Variants in KCNC2 observed in about 807,000 individuals in gnomAD.
KCNC2 encodes voltage-gated potassium channel KCNC2.
Under a neutral mutation model 44.5 loss-of-function variants are expected in KCNC2, and 21 were observed. The ratio of observed to expected loss-of-function variants is 0.47; its 90% CI spans 0.33 to 0.68. The LOEUF is 0.68. Ranked by LOEUF, KCNC2 falls within the 30% of genes least tolerant of loss-of-function variation. The pLI is 0.01. For missense variants in KCNC2, 589 were observed against 826.2 expected (o/e 0.71, Z 3.52); for synonymous variants, 391 against 339.1 (o/e 1.15, Z -1.68).
In KCNC2 at chr12:75,041,565, G is replaced by A. The variant is rs1879908007; in HGVS notation, c.*1540C>T. On this transcript the variant is annotated 3_prime_UTR_variant, in exon 5 of 5. Transcript: ENST00000549446. Reference sequence around the variant, plus strand: ...TTACGGTCTTTTTCTTCCCTCACATGCTCAATACATGAGACACGCTATTGC... The same window carrying A: ...TTACGGTCTTTTTCTTCCCTCACATACTCAATACATGAGACACGCTATTGC... The A allele has an allele frequency of 4.5e-6, 5 of 1,104,376 alleles. No homozygotes were observed. The highest frequency in any genetic ancestry group is 1.6e-5 in the African/African-American group (1 of 61,410). The allele number at this position is 1,104,376 out of a possible 1,614,324, so 68.4% of individuals were successfully genotyped here. A position where few individuals can be genotyped will look rare whatever the true frequency, so the allele number is the denominator to read the frequency against.
At chr12:75,165,721 T>C (rs1891404891) in intron 2 of KCNC2, among the ~76,000 whole-genome samples, 1 of 151,502 alleles carries the variant, frequency 6.6e-6, no homozygotes, top group South Asian at 2.1e-4. Context: ...TGTAGATTAT[T>C]CAGTTAAGCC....
intron 2 of KCNC2, among the ~76,000 whole-genome samples, chr12:75,133,223 C>A (rs1196704290): frequency 6.6e-6 from 1 of 151,680 alleles, no homozygotes; most frequent in Non-Finnish European, 1.5e-5. Context: ...TTTGATAGCA[C>A]AATGGGAAGA....
chr12:75,121,258 G>T (rs1264515473), intron 2 of KCNC2, among the ~76,000 whole-genome samples: 1 of 151,920 alleles, frequency 6.6e-6, no homozygotes, highest in African/African-American at 2.4e-5. Context: ...TTCCCTTTTG[G>T]GTCTCATAAA....
intron 2 of KCNC2, among the ~76,000 whole-genome samples, chr12:75,143,049 G>C (rs1889767557): frequency 6.6e-6 from 1 of 152,148 alleles, no homozygotes; most frequent in African/African-American, 2.4e-5. Flanking sequence ...CCCTGATCAA[G>C]CAGTTCTGCA....
Position 75,041,528 on chromosome 12 carries a change from C to T in KCNC2, c.*1577G>A, listed in dbSNP as rs1207378206. 4 of 1,136,958 alleles carry T rather than the reference C, an allele frequency of 3.5e-6. No homozygotes were observed. Among genetic ancestry groups the T allele is most frequent in the South Asian group, 4.6e-5 (2 of 43,550 alleles). The allele number at this position is 1,136,958 out of a possible 1,614,324, so 70.4% of individuals were successfully genotyped here. On this transcript the variant is annotated 3_prime_UTR_variant, in exon 5 of 5. Coordinates refer to ENST00000549446, the MANE Select transcript of KCNC2 (RefSeq NM_139137.4). The stretch of plus-strand genomic sequence containing the variant: ...AAATGCCTTAGTGATATTATTTATC[C>T]CTCTATTTATATTACGGTCTTTTTC...
intron 2 of KCNC2, among the ~76,000 whole-genome samples, chr12:75,117,967 A>G (rs112007937): frequency 4.6e-5 from 7 of 152,276 alleles, no homozygotes; most frequent in African/African-American, 1.7e-4. Flanking sequence ...CATAGTAATC[A>G]ATATATGTTA....
In KCNC2 at chr12:75,126,939, G is replaced by T. The variant is rs140629978; in HGVS notation, c.688-75622C>A. Reference sequence around the variant, plus strand: ...CAGGCATGACACTGGCATATTAAAAGAAAAACTTACGTATAATAATCGAAA... The same window carrying T: ...CAGGCATGACACTGGCATATTAAAATAAAAACTTACGTATAATAATCGAAA... On this transcript the variant is annotated intron_variant, in intron 2 of 4. Transcript: ENST00000549446. Among the ~76,000 whole-genome samples the T allele has an allele frequency of 4.0e-3, 613 of 152,218 alleles. 7 individuals carry two copies. Among genetic ancestry groups the T allele is most frequent in the African/African-American group, 0.014 (563 of 41,574 alleles).
intron 2 of KCNC2, among the ~76,000 whole-genome samples, chr12:75,127,320 A>G (rs1290007110): frequency 6.6e-6 from 1 of 152,200 alleles, no homozygotes; most frequent in Non-Finnish European, 1.5e-5. Context: ...GCTGCTGACA[A>G]GAAGAGAAAA....
At chr12:75,057,626 A>G (rs1881884951) in intron 2 of KCNC2, among the ~76,000 whole-genome samples, 1 of 151,720 alleles carries the variant, frequency 6.6e-6, no homozygotes, top group South Asian at 2.1e-4. Context: ...TCAGGTGTCT[A>G]TATATAAATG....
intron 2 of KCNC2, among the ~76,000 whole-genome samples, chr12:75,118,635 G>T (rs1195892008): frequency 2.6e-5 from 4 of 152,074 alleles, no homozygotes; most frequent in Non-Finnish European, 2.9e-5. Context: ...AGGAAAGGCT[G>T]GGCATTAGAG....
intron 2 of KCNC2, among the ~76,000 whole-genome samples, chr12:75,097,786 T>C (rs1275156214): frequency 6.6e-6 from 1 of 152,034 alleles, no homozygotes; most frequent in African/African-American, 2.4e-5. Context: ...TTTTTGACTT[T>C]GGGAAAAAAA....
At chr12:75,185,831 A>G (rs889179856) in intron 2 of KCNC2, among the ~76,000 whole-genome samples, 10 of 152,038 alleles carry the variant, frequency 6.6e-5, no homozygotes, top group Admixed American at 5.9e-4. Context: ...GGATCACCTG[A>G]GGTCAGGAGT....
chr12:75,047,308 G>A (rs1200324451), intron 4 of KCNC2, among the ~76,000 whole-genome samples: 2 of 151,946 alleles, frequency 1.3e-5, no homozygotes, highest in Non-Finnish European at 1.5e-5. Flanking sequence ...AGGTTGTAAA[G>A]TTTACCAAAA....
rs1385727488 is a variant in KCNC2 at position 75,207,858 on chromosome 12, G to A, written c.126C>T (p.Pro42=). ...TRLALLASSE[P]PGDCLTTAGD... Reference sequence around the variant, plus strand: ...CCGCCGTGGTCAAGCAGTCGCCTGGGGGCTCGGAGGAGGCAAGAAGGGCCA... The same window carrying A: ...CCGCCGTGGTCAAGCAGTCGCCTGGAGGCTCGGAGGAGGCAAGAAGGGCCA... The change falls in exon 2 of 5, where the codon CCC becomes CCT. Residue 42 remains proline, a synonymous_variant. Coordinates refer to ENST00000549446, the MANE Select transcript of KCNC2 (RefSeq NM_139137.4). This position sits in a 1 kb window ranked among gnomAD's most constrained non-coding sequence, Gnocchi z 4.1. 2 of 1,612,020 alleles carry A rather than the reference G, an allele frequency of 1.2e-6. No homozygotes were observed. Among genetic ancestry groups the A allele is most frequent in the Middle Eastern group, 3.3e-4 (2 of 6,060 alleles).
intron 2 of KCNC2, among the ~76,000 whole-genome samples, chr12:75,106,366 T>G (rs192434104): frequency 3.2e-4 from 48 of 152,242 alleles, no homozygotes; most frequent in African/African-American, 1.1e-3. Flanking sequence ...AGAAATAAGG[T>G]GGTGGCTAGA....
chr12:75,165,818 T>G (rs1164335901), intron 2 of KCNC2, among the ~76,000 whole-genome samples: 1 of 151,536 alleles, frequency 6.6e-6, no homozygotes, highest in African/African-American at 2.4e-5. Context: ...ATACTAATAT[T>G]TCAAGTAACA....
chr12:75,064,940 CAT>C (rs1218027599), intron 2 of KCNC2, among the ~76,000 whole-genome samples: 1 of 151,948 alleles, frequency 6.6e-6, no homozygotes, highest in Non-Finnish European at 1.5e-5. Context: ...CATTCTACTA[CAT>C]ATGTGTGTGT....
chr12:75,098,081 G>A, intron 2 of KCNC2, among the ~76,000 whole-genome samples: 1 of 151,948 alleles, frequency 6.6e-6, no homozygotes, highest in East Asian at 1.9e-4. Context: ...TTAAAAAAAG[G>A]TGAATTTATA....
chr12:75,107,828 C>G (rs1374297883), intron 2 of KCNC2, among the ~76,000 whole-genome samples: 1 of 151,982 alleles, frequency 6.6e-6, no homozygotes, highest in African/African-American at 2.4e-5. Context: ...ATTGCTTTTA[C>G]CTGATGCATA....
Sources: allele counts gnomAD v4.1 joint callset (sites outside exome capture counted in the v4.1 genomes callset), GRCh38; gene constraint gnomAD v4.1.1; non-coding constraint Gnocchi (gnomAD v3.1); transcripts MANE v1.5; gene names NCBI Gene and HGNC (gene_info 2026-07-23, HGNC 2026-07-21).